Variants in TTC39B observed in about 807,000 individuals in gnomAD.
The protein encoded by TTC39B is tetratricopeptide repeat domain 39B.
Under a neutral mutation model 96.6 loss-of-function variants are expected in TTC39B, and 92 were observed. The ratio of observed to expected loss-of-function variants is 0.95; its 90% confidence interval spans 0.80 to 1.13. The LOEUF (loss-of-function observed/expected upper bound fraction) is 1.13. Among genes scored for constraint, TTC39B ranks in the 50% most tolerant of loss-of-function variants. The probability of loss-of-function intolerance (pLI) is 0.00; values close to 1 mark genes in which losing one functional copy is unlikely to be tolerated. For missense variants in TTC39B, 955 were observed against 809.3 expected (o/e 1.18, Z -2.18); for synonymous variants, 367 against 299.4 (o/e 1.23, Z -2.33).
At chr9:15,273,852 A>G (rs946815658) in intron 1 of TTC39B, among the ~76,000 whole-genome samples, 8 of 152,208 alleles carry the variant, frequency 5.3e-5, no homozygotes, top group Non-Finnish European at 1.2e-4. Context: ...TGGAGATGAG[A>G]CATGAAGAGG....
chr9:15,232,805 G>A (rs866720559), intron 2 of TTC39B, among the ~76,000 whole-genome samples: 1 of 152,192 alleles, frequency 6.6e-6, no homozygotes, highest in Non-Finnish European at 1.5e-5. Context: ...CTTGGCTAAC[G>A]GCGACGTAGC....
chr9:15,305,762 G>T (rs1265617809), intron 1 of TTC39B, among the ~76,000 whole-genome samples: 6 of 150,712 alleles, frequency 4.0e-5, no homozygotes, highest in African/African-American at 1.5e-4. Context: ...CTCCGAAACA[G>T]TCCCAGTTTA....
chr9:15,203,869 C>A, exon 7 of TTC39B: 1 of 1,613,310 alleles, frequency 6.2e-7, no homozygotes, highest in East Asian at 2.2e-5. Flanking sequence ...CTCGGCATAA[C>A]AGATTTCAGC....
At chr9:15,257,796 A>G (rs898221016) in intron 2 of TTC39B, among the ~76,000 whole-genome samples, 3 of 149,532 alleles carry the variant, frequency 2.0e-5, no homozygotes, top group African/African-American at 7.3e-5. Context: ...ACGGTGGCTC[A>G]CGCCTGTAAT....
chr9:15,302,640 TCGAGACC>T lies in TTC39B; in HGVS notation c.240+4437_240+4443del, dbSNP rs553848326. Among the ~76,000 whole-genome samples the T allele has an allele frequency of 1.7e-4, 26 of 149,044 alleles. No homozygotes were observed. In the East Asian group the frequency reaches 3.2e-3, roughly 19 times the overall value. ...AGGTGGATCACCTGAGGTCAGGAGTTCGAGACCGGCCTGGCCAACGTGCTGAAACTCT... is the reference window on the plus strand; with the variant it reads ...AGGTGGATCACCTGAGGTCAGGAGTTGGCCTGGCCAACGTGCTGAAACTCT... On this transcript the variant is annotated intron_variant, in intron 1 of 19. Transcript: ENST00000512701.
At chr9:15,235,804 G>C (rs1265719001) in intron 2 of TTC39B, among the ~76,000 whole-genome samples, 1 of 152,162 alleles carries the variant, frequency 6.6e-6, no homozygotes, top group Non-Finnish European at 1.5e-5. Context: ...TACAAGAAAT[G>C]CTGAAGGGAA....
intron 1 of TTC39B, among the ~76,000 whole-genome samples, chr9:15,283,469 C>T (rs1823843089): frequency 6.6e-6 from 1 of 152,202 alleles, no homozygotes; most frequent in Non-Finnish European, 1.5e-5. Context: ...CCACAGCTAA[C>T]AACTGGTTTA....
chr9:15,294,579 C>A (rs117431390), intron 1 of TTC39B, among the ~76,000 whole-genome samples: 3,202 of 152,300 alleles, frequency 0.021, 48 homozygotes, highest in Non-Finnish European at 0.031. Context: ...ACAGATGGCC[C>A]TTTGAGCCCC....
chr9:15,231,143 T>C (rs1821399205), intron 2 of TTC39B, among the ~76,000 whole-genome samples: 1 of 152,182 alleles, frequency 6.6e-6, no homozygotes, highest in South Asian at 2.1e-4. Context: ...TACTAGACTG[T>C]TTTCCAAAGT....
At chr9:15,267,681 A>G (rs2131550227) in intron 2 of TTC39B, among the ~76,000 whole-genome samples, 1 of 152,366 alleles carries the variant, frequency 6.6e-6, no homozygotes, top group East Asian at 1.9e-4. Flanking sequence ...TACTTTGTTG[A>G]GAAATATTTT....
intron 6 of TTC39B, among the ~76,000 whole-genome samples, chr9:15,206,545 T>A (rs1173504518): frequency 6.6e-6 from 1 of 152,234 alleles, no homozygotes; most frequent in Non-Finnish European, 1.5e-5. Flanking sequence ...AAATTAGCCA[T>A]TAGGCACTTA....
At chr9:15,176,553 C>T (rs1279411235) in intron 18 of TTC39B, among the ~76,000 whole-genome samples, 1 of 152,100 alleles carries the variant, frequency 6.6e-6, no homozygotes, top group East Asian at 1.9e-4. Context: ...GGATGTCCAC[C>T]AGCAGTCTAT....
At chr9:15,175,023 C>A (rs759968497) in exon 19 of TTC39B, 1 of 1,611,310 alleles carries the variant, frequency 6.2e-7, no homozygotes, top group African/African-American at 1.3e-5. Flanking sequence ...ACTTACCTTG[C>A]AGTTTCTAGG....
At position 15,185,420 on chromosome 9, in the gene TTC39B, C is replaced by A. The variant is rs1258447763; in HGVS notation, c.1488-14G>T. 8 of 1,612,916 alleles carry A rather than the reference C, an allele frequency of 5.0e-6. No homozygotes were observed. Among genetic ancestry groups the A allele is most frequent in the Non-Finnish European group, 5.9e-6 (7 of 1,179,392 alleles). On this transcript the variant is annotated splice_polypyrimidine_tract_variant and intron_variant, in intron 15 of 19. Transcript: ENST00000512701. ...CTGTCCACCTGTCTGTGAAGAACCCCAGCCCAGCCCCAGAGAAAGGTCATG... is the reference window on the plus strand; with the variant it reads ...CTGTCCACCTGTCTGTGAAGAACCCAAGCCCAGCCCCAGAGAAAGGTCATG...
chr9:15,187,315 T>G (rs1327846117), intron 14 of TTC39B, among the ~76,000 whole-genome samples: 1 of 152,184 alleles, frequency 6.6e-6, no homozygotes, highest in Non-Finnish European at 1.5e-5. Flanking sequence ...CAACTTCTCA[T>G]AAGTGGATCA....
intron 18 of TTC39B, among the ~76,000 whole-genome samples, chr9:15,175,411 C>T (rs1817880797): frequency 6.6e-6 from 1 of 152,020 alleles, no homozygotes; most frequent in Non-Finnish European, 1.5e-5. Flanking sequence ...TAAAGATTAA[C>T]CCTAGAAATG....
chr9:15,260,509 T>A (rs1159221881), intron 2 of TTC39B, among the ~76,000 whole-genome samples: 9 of 152,162 alleles, frequency 5.9e-5, no homozygotes, highest in African/African-American at 1.4e-4. Context: ...TATTTATAAC[T>A]TAACCACTCT....
chr9:15,301,029 T>C (rs1167482298), intron 1 of TTC39B, among the ~76,000 whole-genome samples: 1 of 151,048 alleles, frequency 6.6e-6, no homozygotes, highest in Non-Finnish European at 1.5e-5. Flanking sequence ...CCCTTGACAC[T>C]CTCCTTCCCA....
intron 1 of TTC39B, among the ~76,000 whole-genome samples, chr9:15,293,597 T>A (rs1416104860): frequency 6.6e-6 from 1 of 152,204 alleles, no homozygotes; most frequent in Non-Finnish European, 1.5e-5. Flanking sequence ...GACACAGGGA[T>A]GTGCATTGTA....
Sources: allele counts gnomAD v4.1 joint callset (sites outside exome capture counted in the v4.1 genomes callset), GRCh38; gene constraint gnomAD v4.1.1; transcripts MANE v1.5; gene names NCBI Gene and HGNC (gene_info 2026-07-23, HGNC 2026-07-21).